TNNT2: variants seen among roughly 807,000 people sequenced by gnomAD.
TNNT2 encodes the protein troponin T2, cardiac type.
Under a neutral mutation model 62.4 loss-of-function variants are expected in TNNT2, and 34 were observed. The observed-to-expected ratio is 0.54, with a 90% CI of 0.41 to 0.72. The LOEUF is 0.72. TNNT2 is among the 30% of genes least tolerant of loss of function. TNNT2 has a pLI of 0.00. For synonymous variants in TNNT2, 123 were observed against 127.2 expected (o/e 0.97, Z 0.22); for missense variants, 275 against 381.9 (o/e 0.72, Z 2.33).
intron 1 of TNNT2, among the ~76,000 whole-genome samples, chr1:201,377,072 C>CAGTA (rs1661510774): frequency 6.6e-6 from 1 of 152,214 alleles, no homozygotes; most frequent in African/African-American, 2.4e-5. Context: ...TGGTCGTTCT[C>CAGTA]AGTACTTCCA....
At chr1:201,373,620 T>C (rs1362117398) in intron 1 of TNNT2, 3 of 356,504 alleles carry the variant, frequency 8.4e-6, no homozygotes, top group Non-Finnish European at 1.6e-5. Flanking sequence ...TGTTCAGCAC[T>C]GTACAAATCT....
rs4523540 is a variant in TNNT2 at position 201,359,639 on chromosome 1, T to C, written c.835A>G (p.Asn279Asp). ...GACACTTACACTTTCTGGTTATCGT[T>C]GATCCTGTTTCGGAGAACATTGATC... ...YEINVLRNRI[N>D]DNQKVSKTRG... Residue 279 changes from asparagine (N) to aspartate (D), a missense_variant, in exon 16 of 17, where the codon AAC becomes GAC. Physicochemically the swap from Asn to Asp is conservative, Grantham distance 23. Transcript: ENST00000656932. 13 of 1,598,080 alleles carry C rather than the reference T, an allele frequency of 8.1e-6. No homozygotes were observed. The highest frequency in any genetic ancestry group is 1.0e-5 in the Non-Finnish European group (12 of 1,170,822).
Position 201,366,465 on chromosome 1 carries a change from C to T in TNNT2, c.233+373G>A, listed in dbSNP as rs868585015. ...TGAAGCCGCCATGCCTATGCTGGCA[C>T]GGTTTCATTGTTTGGCTCCCCACAA... On this transcript the variant is annotated intron_variant, in intron 8 of 16. Transcript: ENST00000656932. The T allele has an allele frequency of 1.9e-4, 218 of 1,149,288 alleles. 2 individuals carry two copies. The highest frequency in any genetic ancestry group is 1.9e-3 in the African/African-American group (118 of 62,812). The allele number at this position is 1,149,288 out of a possible 1,614,324, so 71.2% of individuals were successfully genotyped here.
intron 2 of TNNT2, among the ~76,000 whole-genome samples, 173 bp from the exon 3 acceptor site, chr1:201,372,328 C>T (rs545689880): frequency 2.0e-5 from 3 of 152,240 alleles, no homozygotes; most frequent in African/African-American, 4.8e-5. Flanking sequence ...CACCCACTAG[C>T]CTGGCCTGCC....
At chr1:201,365,856 C>A in intron 8 of TNNT2, 186 bp from the exon 9 acceptor site, 1 of 1,479,754 alleles carries the variant, frequency 6.8e-7, no homozygotes, top group Non-Finnish European at 9.0e-7. Flanking sequence ...CCTGGGAATA[C>A]ACAAAGCTCT....
At chr1:201,377,059 A>G (rs1054187743) in intron 1 of TNNT2, among the ~76,000 whole-genome samples, 2 of 152,218 alleles carry the variant, frequency 1.3e-5, no homozygotes, top group Non-Finnish European at 2.9e-5. Context: ...GACCCTGCAC[A>G]TCTGGTCGTT....
Position 201,373,198 on chromosome 1 carries a change from T to C in TNNT2, c.41+16A>G, listed in dbSNP as rs370729174. ...GGGAGAGGACCCCACTCAGGCAAGA[T>C]GCTCCAGATACTCACTCCTCCTCGT... is the stretch of plus-strand genomic sequence containing the variant. On this transcript the variant is annotated intron_variant, in intron 2 of 16. Coordinates refer to ENST00000656932, the MANE Select transcript of TNNT2 (RefSeq NM_001276345.2). 94 of 1,614,018 alleles carry C rather than the reference T, an allele frequency of 5.8e-5. 1 individual carries two copies. The African/African-American group carries it at 1.1e-3, about 19-fold the overall frequency.
chr1:201,373,097 A>G (rs1660892582), intron 2 of TNNT2, 117 bp downstream of exon 2: 1 of 1,074,184 alleles, frequency 9.3e-7, no homozygotes, highest in Non-Finnish European at 1.5e-6. Flanking sequence ...GGGGTGCCCA[A>G]AACACACACA....
At chr1:201,369,703 G>T in intron 5 of TNNT2, 113 bp downstream of exon 5, 1 of 1,325,576 alleles carries the variant, frequency 7.5e-7, no homozygotes, top group Non-Finnish European at 1.1e-6. Flanking sequence ...GACCCACTCC[G>T]TCCCTGCCGC....
intron 7 of TNNT2, chr1:201,367,161 C>T (rs1659818415): frequency 1.8e-6 from 1 of 541,840 alleles, no homozygotes; most frequent in Admixed American, 3.0e-5. Flanking sequence ...AGCAATTTTG[C>T]TTCTCTTGTG....
At chr1:201,361,706 T>G (rs1027574718) in intron 14 of TNNT2, among the ~76,000 whole-genome samples, 1 of 152,236 alleles carries the variant, frequency 6.6e-6, no homozygotes, top group Non-Finnish European at 1.5e-5. Flanking sequence ...GTGGGGCACC[T>G]GCTCAGTTCT....
intron 7 of TNNT2, 115 bp from the exon 8 acceptor site, chr1:201,366,986 T>C (rs1235357125): frequency 6.4e-7 from 1 of 1,565,308 alleles, no homozygotes; most frequent in Admixed American, 1.7e-5. Context: ...GCACAGTGAG[T>C]CCCTCCCGGC....
At chr1:201,365,829 C>A in intron 8 of TNNT2, 159 bp from the exon 9 acceptor site, 1 of 1,516,854 alleles carries the variant, frequency 6.6e-7, no homozygotes, top group South Asian at 1.2e-5. Context: ...AATGGCAGTC[C>A]TCAGCCTTGC....
intron 7 of TNNT2, chr1:201,367,082 T>C: frequency 1.4e-6 from 1 of 724,116 alleles, no homozygotes; most frequent in Admixed American, 2.1e-5. Context: ...CATAGAGTTC[T>C]GCAGGGCACA....
At chr1:201,368,710 G>T (rs79556064) in intron 5 of TNNT2, among the ~76,000 whole-genome samples, 11,475 of 152,228 alleles carry the variant, frequency 0.075, 478 homozygotes, top group Middle Eastern at 0.15. Context: ...TATTTGTTTG[G>T]CAGGATGTGG....
rs544163097 is a variant in TNNT2 at position 201,371,695 on chromosome 1, G to T, written c.67+332C>A. Among the ~76,000 whole-genome samples, 14 of 152,170 alleles carry T rather than the reference G, an allele frequency of 9.2e-5. No homozygotes were observed. In the East Asian group the frequency reaches 2.5e-3, roughly 27 times the overall value. Reference sequence around the variant, plus strand: ...GTTGAAGCTGGTAATGGGTACCTTGGGCAGGGGGGGCCATTATTATTATTA... The same window carrying T: ...GTTGAAGCTGGTAATGGGTACCTTGTGCAGGGGGGGCCATTATTATTATTA... On this transcript the variant is annotated intron_variant, in intron 4 of 16. Transcript: ENST00000656932.
At chr1:201,366,901 G>T (rs1659759263) in intron 7 of TNNT2, 30 bp from the exon 8 acceptor site, 1 of 1,613,982 alleles carries the variant, frequency 6.2e-7, no homozygotes, top group Admixed American at 1.7e-5. Context: ...ACAGCCATGG[G>T]TCAGGGGGCC....
In TNNT2 at chr1:201,373,230, C is replaced by G. The variant is rs1202003575; in HGVS notation, c.25G>C (p.Glu9Gln). Residue 9 changes from glutamate to glutamine, a missense_variant, in exon 2 of 17, where the codon GAA (glutamate) becomes CAA (glutamine). Physicochemically the swap from Glu to Gln is conservative, Grantham distance 29. Transcript: ENST00000656932. ...GATACTCACTCCTCCTCGTACTCTTCCACCACCTCTTCTATGTCAGACATG... is the reference window on the plus strand; with the variant it reads ...GATACTCACTCCTCCTCGTACTCTTGCACCACCTCTTCTATGTCAGACATG... MSDIEEVVEEYEEEEQEEA... is the reference protein window; with the variant it reads MSDIEEVVQEYEEEEQEEA... 6.2e-7 allele frequency: 1 copy of G among 1,614,050 alleles called. No homozygotes were observed. The highest frequency in any genetic ancestry group is 2.2e-5 in the East Asian group (1 of 44,900).
rs898606789 is a variant in TNNT2, at chr1:201,370,504, C to CA, written c.68-660dup. Among the ~76,000 whole-genome samples the CA allele has an allele frequency of 9.9e-5, 15 of 152,144 alleles. 1 individual carries two copies. Among genetic ancestry groups the CA allele is most frequent in the Admixed American group, 5.9e-4 (9 of 15,300 alleles). ...GTTGTTCTACGTACAAATATCTGCC[C>CA]AAAAAAACAGTTCCAGCAAGTGGAA... is the stretch of plus-strand genomic sequence containing the variant. On this transcript the variant is annotated intron_variant, in intron 4 of 16. Transcript: ENST00000656932.
Sources: allele counts gnomAD v4.1 joint callset (sites outside exome capture counted in the v4.1 genomes callset), GRCh38; gene constraint gnomAD v4.1.1; transcripts MANE v1.5; gene names NCBI Gene and HGNC (gene_info 2026-07-23, HGNC 2026-07-21).